Variants in VAV2 observed in about 807,000 individuals in gnomAD.
VAV2 encodes vav guanine nucleotide exchange factor 2.
A neutral mutation model predicts 132.5 loss-of-function variants in VAV2; 67 were observed. The ratio of observed to expected loss-of-function variants is 0.51; its 90% CI spans 0.42 to 0.62. The LOEUF is 0.62. VAV2 is among the 20% of genes least tolerant of loss of function. The pLI is 0.00. For missense variants in VAV2, 938 were observed against 1,153.6 expected, an observed-to-expected ratio of 0.81 and a Z score of 2.71; for synonymous variants, 492 against 443.5, an observed-to-expected ratio of 1.11 and a Z score of -1.37.
intron 13 of VAV2, among the ~76,000 whole-genome samples, chr9:133,790,734 A>T (rs1439384062): frequency 6.7e-5 from 10 of 149,796 alleles, no homozygotes; most frequent in East Asian, 2.0e-4. Context: ...TCAGAAGCTT[A>T]TTTTTTTTTT....
intron 3 of VAV2, among the ~76,000 whole-genome samples, chr9:133,845,232 G>A (rs1486150357): frequency 6.6e-6 from 1 of 152,244 alleles, no homozygotes; most frequent in Non-Finnish European, 1.5e-5. Flanking sequence ...GGACGCGCTG[G>A]GCCAGGCCGG....
At chr9:133,894,772 CAGAG>C (rs1351527765) in intron 2 of VAV2, among the ~76,000 whole-genome samples, 2 of 152,172 alleles carry the variant, frequency 1.3e-5, no homozygotes, top group Non-Finnish European at 2.9e-5. Context: ...CCTGGACCCC[CAGAG>C]AAAGAAGTCC....
At chr9:133,799,448 GAC>G (rs2131643405) in intron 9 of VAV2, among the ~76,000 whole-genome samples, 1 of 152,308 alleles carries the variant, frequency 6.6e-6, no homozygotes, top group South Asian at 2.1e-4. Context: ...TCTGATAAAG[GAC>G]CTGAATCTGC....
chr9:133,871,403 C>CGGAT (rs146750703), intron 2 of VAV2, among the ~76,000 whole-genome samples: 21,247 of 142,790 alleles, frequency 0.15, 2,032 homozygotes, highest in African/African-American at 0.27. Context: ...GATGGACGGA[C>CGGAT]GGATGGATGG....
intron 2 of VAV2, among the ~76,000 whole-genome samples, chr9:133,900,140 A>G (rs1219456208): frequency 6.6e-6 from 1 of 152,166 alleles, no homozygotes; most frequent in African/African-American, 2.4e-5. Flanking sequence ...TCAAGGCTGC[A>G]ATGAGCCACG....
chr9:133,904,194 C>A (rs1197075934), intron 2 of VAV2, among the ~76,000 whole-genome samples: 1 of 152,176 alleles, frequency 6.6e-6, no homozygotes. Context: ...GCCAGGCTCT[C>A]CCCCAGAGCT....
At chr9:133,786,419 C>T (rs191471785) in intron 16 of VAV2, among the ~76,000 whole-genome samples, 28 of 152,322 alleles carry the variant, frequency 1.8e-4, no homozygotes, top group African/African-American at 6.7e-4. Context: ...CATGCCTGGG[C>T]AGGTCTGCAC....
intron 3 of VAV2, among the ~76,000 whole-genome samples, chr9:133,846,872 C>A (rs1160144722): frequency 2.0e-5 from 3 of 152,254 alleles, no homozygotes; most frequent in African/African-American, 7.2e-5. Flanking sequence ...GGTCACCAGG[C>A]CACTGGGCAG....
At position 133,789,134 on chromosome 9, in the gene VAV2, C is replaced by T. The variant is rs1235116862; in HGVS notation, c.1274+124G>A. 4 of 1,049,690 alleles carry T rather than the reference C, an allele frequency of 3.8e-6. No individual in the cohort carries two copies. In the African/African-American group the frequency reaches 4.8e-5, roughly 13 times the overall value. 65.0% of individuals were successfully genotyped at this position (1,049,690 alleles called of 1,614,324 possible). On this transcript the variant is annotated intron_variant, in intron 14 of 29. Transcript: ENST00000371850. ...CAATTAAAACTGAACAACACAAAGC[C>T]ACCGCCAGGCAGCTCTTTCCACAGG...
intron 2 of VAV2, among the ~76,000 whole-genome samples, chr9:133,881,332 C>T (rs1478144678): frequency 6.6e-6 from 1 of 152,268 alleles, no homozygotes; most frequent in Non-Finnish European, 1.5e-5. Context: ...GGACTTGCCC[C>T]ACAAGGTTCC....
intron 1 of VAV2, among the ~76,000 whole-genome samples, chr9:133,976,287 G>A (rs1361885257): frequency 6.6e-6 from 1 of 152,126 alleles, no homozygotes; most frequent in Non-Finnish European, 1.5e-5. Flanking sequence ...AGGTTAGGAT[G>A]GGGTCCCTCA....
Position 133,762,076 on chromosome 9 carries a change from C to T in VAV2, c.*1986G>A, listed in dbSNP as rs1833279203. 1 of 152,640 alleles carries T rather than the reference C, an allele frequency of 6.6e-6. No homozygotes were observed. The highest frequency in any genetic ancestry group is 1.5e-5 in the Non-Finnish European group (1 of 68,074). The allele number at this position is 152,640 out of a possible 1,614,324, so 9.5% of individuals were successfully genotyped here. A position where few individuals can be genotyped will look rare whatever the true frequency, so the allele number is the denominator to read the frequency against. On this transcript the variant is annotated 3_prime_UTR_variant, in exon 30 of 30. Transcript: ENST00000371850. The surrounding 1 kb of genome is among the most constrained non-coding windows in gnomAD (Gnocchi z 5.0). ...AATCTCAGGCCCCTGCAGTTTAGCC[C>T]CCTGCAGGGGACACCCCGTCTCCTG...
chr9:133,909,802 T>C (rs1373552305), intron 2 of VAV2, among the ~76,000 whole-genome samples: 1 of 152,210 alleles, frequency 6.6e-6, no homozygotes, highest in Admixed American at 6.5e-5. Flanking sequence ...TTCCATTGAT[T>C]AACATGCCCT....
chr9:133,900,766 G>GATTGATTTATTT (rs1356036135), intron 2 of VAV2, among the ~76,000 whole-genome samples: 1 of 145,490 alleles, frequency 6.9e-6, no homozygotes, highest in African/African-American at 2.6e-5. Flanking sequence ...CTCCTGTCTT[G>GATTGATTTATTT]ATTTATTTAT....
In VAV2 at chr9:133,991,849, G is replaced by A. The variant is rs917380197; in HGVS notation, c.204+226C>T. On this transcript the variant is annotated intron_variant, in intron 1 of 29. Coordinates refer to ENST00000371850, the MANE Select transcript of VAV2 (RefSeq NM_001134398.2). This position sits in a 1 kb window ranked among gnomAD's most constrained non-coding sequence, Gnocchi z 4.8. ...CGCACCAGAGCAGTGCCCGCGGGCGGCGGCGGCGCGACCCAGGCTGAGGGG... is the reference window on the plus strand; with the variant it reads ...CGCACCAGAGCAGTGCCCGCGGGCGACGGCGGCGCGACCCAGGCTGAGGGG... Among the ~76,000 whole-genome samples, 3 of 150,644 alleles carry A rather than the reference G, an allele frequency of 2.0e-5. No individual in the cohort carries two copies. Among genetic ancestry groups the A allele is most frequent in the African/African-American group, 7.3e-5 (3 of 41,188 alleles).
At chr9:133,784,558 C>G (rs997192548) in intron 17 of VAV2, 140 bp from the exon 18 acceptor site, 8 of 873,668 alleles carry the variant, frequency 9.2e-6, no homozygotes, top group African/African-American at 1.7e-5. Context: ...CCTGGCTCTG[C>G]CCGCAACATG....
Position 133,788,541 on chromosome 9 carries a change from C to G in VAV2, c.1275-55G>C, listed in dbSNP as rs371546104. The G allele has an allele frequency of 6.4e-6, 10 of 1,572,212 alleles. No homozygotes were observed. The highest frequency in any genetic ancestry group is 8.7e-6 in the Non-Finnish European group (10 of 1,149,228). On this transcript the variant is annotated intron_variant, in intron 14 of 29. Coordinates refer to ENST00000371850, the MANE Select transcript of VAV2 (RefSeq NM_001134398.2). This position sits in a 1 kb window ranked among gnomAD's most constrained non-coding sequence, Gnocchi z 5.3. ...CACCCCAGCACTGTGTGCTCTGCTC[C>G]GAGGAGGCGGCAGGAGCTGAGCCTG...
intron 2 of VAV2, among the ~76,000 whole-genome samples, chr9:133,932,192 C>G (rs1402279420): frequency 1.3e-5 from 2 of 152,220 alleles, no homozygotes; most frequent in African/African-American, 4.8e-5. Context: ...AGCTGGCGAC[C>G]CATGGGCTTC....
At chr9:133,906,658 C>T (rs1307704805) in intron 2 of VAV2, among the ~76,000 whole-genome samples, 1 of 152,210 alleles carries the variant, frequency 6.6e-6, no homozygotes, top group African/African-American at 2.4e-5. Flanking sequence ...CCTCTGCACA[C>T]AAAACTGGAA....
Sources: gnomAD v4.1 joint callset for allele counts (sites outside exome capture counted in the v4.1 genomes callset) on GRCh38, gnomAD v4.1.1 for gene constraint, Gnocchi (gnomAD v3.1) non-coding constraint, MANE v1.5 for transcripts, NCBI Gene and HGNC (gene_info 2026-07-23, HGNC 2026-07-21) for gene names.